Variants in NKAIN2 observed in about 807,000 individuals in gnomAD.
NKAIN2 encodes the protein sodium/potassium-transporting ATPase subunit beta-1-interacting protein 2.
NKAIN2 carries 14 observed loss-of-function variants against 32.6 expected under a neutral mutation model. That is an observed-to-expected ratio of 0.43 (90% confidence interval 0.28 to 0.67). The LOEUF (loss-of-function observed/expected upper bound fraction) is 0.67. Ranked by LOEUF, NKAIN2 falls within the 30% of genes least tolerant of loss-of-function variation. The pLI is 0.17. For missense variants in NKAIN2, 198 were observed against 258.3 expected (o/e 0.77, Z 1.60); for synonymous variants, 80 against 87.2 (o/e 0.92, Z 0.46).
At chr6:123,925,323 A>G (rs1012141937) in intron 1 of NKAIN2, among the ~76,000 whole-genome samples, 1 of 152,206 alleles carries the variant, frequency 6.6e-6, no homozygotes, top group Non-Finnish European at 1.5e-5. Context: ...ATTAAGCTCC[A>G]AATAAAAAGG....
chr6:124,811,878 A>G (rs543453670), intron 5 of NKAIN2, among the ~76,000 whole-genome samples: 80 of 151,502 alleles, frequency 5.3e-4, no homozygotes, highest in African/African-American at 1.9e-3. Context: ...ATAGCTCTTA[A>G]AAAAAAAATC....
At chr6:124,260,245 A>G (rs1029470093) in intron 1 of NKAIN2, among the ~76,000 whole-genome samples, 2 of 152,220 alleles carry the variant, frequency 1.3e-5, no homozygotes, top group Non-Finnish European at 2.9e-5. Context: ...CTCAGCCTTC[A>G]AGGAGCTTAC....
chr6:124,391,638 A>G (rs573594711), intron 3 of NKAIN2, among the ~76,000 whole-genome samples: 2 of 152,242 alleles, frequency 1.3e-5, no homozygotes, highest in African/African-American at 4.8e-5. Flanking sequence ...GTGACAACAG[A>G]GTCTAAGGTT....
At chr6:124,042,223 G>A (rs539890616) in intron 1 of NKAIN2, among the ~76,000 whole-genome samples, 3 of 152,196 alleles carry the variant, frequency 2.0e-5, no homozygotes, top group Admixed American at 2.0e-4. Context: ...TTCGGCTTAT[G>A]TGCTTGATAG....
At chr6:123,840,406 C>T (rs1387910) in intron 1 of NKAIN2, among the ~76,000 whole-genome samples, 73,581 of 151,772 alleles carry the variant, frequency 0.48, 17,914 homozygotes, top group East Asian at 0.68. Flanking sequence ...GATTTTTAAG[C>T]TTGCAAAACT....
chr6:124,555,584 A>T (rs1038133298), intron 3 of NKAIN2, among the ~76,000 whole-genome samples: 2 of 152,126 alleles, frequency 1.3e-5, no homozygotes, highest in African/African-American at 4.8e-5. Flanking sequence ...TGACTCACGA[A>T]TCCTGTTTTG....
chr6:124,658,699 A>G, intron 4 of NKAIN2: 1 of 545,868 alleles, frequency 1.8e-6, no homozygotes, highest in South Asian at 3.2e-5. Context: ...ATGATCAGAG[A>G]TTTTTTTCAT....
At chr6:123,898,681 C>CCAG (rs1334306419) in intron 1 of NKAIN2, among the ~76,000 whole-genome samples, 3 of 151,654 alleles carry the variant, frequency 2.0e-5, no homozygotes, top group African/African-American at 7.3e-5. Flanking sequence ...CTATTAATTT[C>CCAG]CAGCCCTTAT....
chr6:124,099,818 C>T (rs1562357388), intron 1 of NKAIN2, among the ~76,000 whole-genome samples: 1 of 152,116 alleles, frequency 6.6e-6, no homozygotes, highest in Non-Finnish European at 1.5e-5. Flanking sequence ...AAGAATTATC[C>T]AACCCAAAAT....
chr6:124,756,729 A>T (rs182316516), intron 4 of NKAIN2, among the ~76,000 whole-genome samples: 2 of 152,254 alleles, frequency 1.3e-5, no homozygotes, highest in East Asian at 3.9e-4. Context: ...TAGAGTGGAA[A>T]TATATCAGTA....
At chr6:124,238,030 T>C (rs970951035) in intron 1 of NKAIN2, among the ~76,000 whole-genome samples, 1 of 152,064 alleles carries the variant, frequency 6.6e-6, no homozygotes, top group Non-Finnish European at 1.5e-5. Flanking sequence ...AGGAAAGTCA[T>C]TTTCAAAGAA....
intron 1 of NKAIN2, among the ~76,000 whole-genome samples, chr6:124,217,014 T>A (rs1392518561): frequency 6.6e-6 from 1 of 152,090 alleles, no homozygotes; most frequent in East Asian, 1.9e-4. Flanking sequence ...TAATAATAAA[T>A]ATAAAATACA....
chr6:124,561,868 A>C (rs1583442615), intron 3 of NKAIN2, among the ~76,000 whole-genome samples: 1 of 152,242 alleles, frequency 6.6e-6, no homozygotes, highest in East Asian at 1.9e-4. Flanking sequence ...TCTGGATAGC[A>C]GTCAACAAAT....
rs557223716 is a variant in NKAIN2, at chr6:124,706,901, T to C, written c.474+48515T>C. On this transcript the variant is annotated intron_variant, in intron 4 of 6. Coordinates refer to ENST00000368417, the MANE Select transcript of NKAIN2 (RefSeq NM_001040214.3). ...ACATGTACACATTGTGCAGGTTAGT[T>C]ACATATGTATACATGTGCCATGCTG... Among the ~76,000 whole-genome samples, 40 of 152,246 alleles carry C rather than the reference T, an allele frequency of 2.6e-4. 1 individual carries two copies. The South Asian group carries it at 7.7e-3, about 29-fold the overall frequency.
At chr6:124,139,074 TAA>T (rs1450568747) in intron 1 of NKAIN2, among the ~76,000 whole-genome samples, 2 of 116,440 alleles carry the variant, frequency 1.7e-5, no homozygotes, top group South Asian at 3.0e-4. Context: ...CTTTTTTAAA[TAA>T]AAATTTTTTT....
chr6:124,746,448 A>C (rs1361948469), intron 4 of NKAIN2, among the ~76,000 whole-genome samples: 1 of 151,908 alleles, frequency 6.6e-6, no homozygotes, highest in African/African-American at 2.4e-5. Context: ...TATTTATTGT[A>C]CCATATTGAT....
chr6:124,126,309 C>A (rs562352176), intron 1 of NKAIN2, among the ~76,000 whole-genome samples: 1 of 152,278 alleles, frequency 6.6e-6, no homozygotes, highest in South Asian at 2.1e-4. Flanking sequence ...TGCCACAGTT[C>A]CCTAGTCCAT....
At chr6:124,325,467 C>A (rs1797372328) in intron 2 of NKAIN2, among the ~76,000 whole-genome samples, 1 of 151,904 alleles carries the variant, frequency 6.6e-6, no homozygotes, top group Admixed American at 6.6e-5. Flanking sequence ...AGACTTACAA[C>A]TCATAATAAC....
intron 2 of NKAIN2, among the ~76,000 whole-genome samples, chr6:124,322,615 T>A (rs1239583141): frequency 1.3e-5 from 2 of 152,206 alleles, no homozygotes; most frequent in African/African-American, 4.8e-5. Flanking sequence ...TTCTAGACTA[T>A]TATTGAAACA....
Sources: gnomAD v4.1 joint callset for allele counts (sites outside exome capture counted in the v4.1 genomes callset) on GRCh38, gnomAD v4.1.1 for gene constraint, MANE v1.5 for transcripts, NCBI Gene and HGNC (gene_info 2026-07-23, HGNC 2026-07-21) for gene names.